The following CLUAP1 variants were observed in gnomAD, a reference collection of about 807,000 sequenced individuals.
CLUAP1 encodes clusterin-associated protein 1.
In CLUAP1, 50 loss-of-function variants were observed where a neutral mutation model predicts 55.0. The ratio of observed to expected loss-of-function variants is 0.91; its 90% confidence interval spans 0.72 to 1.15. The LOEUF (loss-of-function observed/expected upper bound fraction) is 1.15. CLUAP1 is among the 50% of genes most tolerant of loss of function. CLUAP1 has a pLI of 0.00. For missense variants in CLUAP1, 530 were observed against 507.6 expected (o/e 1.04, Z -0.42); for synonymous variants, 195 against 175.4 (o/e 1.11, Z -0.88).
chr16:3,520,143 C>T (rs114805143), intron 7 of CLUAP1, 107 bp downstream of exon 7: 47 of 1,148,384 alleles, frequency 4.1e-5, no homozygotes, highest in Middle Eastern at 2.0e-4. Context: ...GAAGCTGGGG[C>T]GGGGGGTTCT....
intron 4 of CLUAP1, among the ~76,000 whole-genome samples, chr16:3,510,567 C>G (rs1246001423): frequency 5.9e-5 from 9 of 152,168 alleles, no homozygotes; most frequent in African/African-American, 2.2e-4. Flanking sequence ...CAGGCCGGGT[C>G]TTGGGGCAGC....
At chr16:3,509,671 C>T (rs890043845) in intron 4 of CLUAP1, among the ~76,000 whole-genome samples, 12 of 152,186 alleles carry the variant, frequency 7.9e-5, no homozygotes, top group South Asian at 2.1e-4. Context: ...TGGGAGTGCA[C>T]CTAAGAGTGT....
At chr16:3,506,445 A>G in intron 3 of CLUAP1, 30 bp downstream of exon 3, 1 of 1,513,770 alleles carries the variant, frequency 6.6e-7, no homozygotes, top group Non-Finnish European at 9.2e-7. Context: ...GTGGAGTTGT[A>G]AAATTAAATA....
chr16:3,526,454 G>C lies in CLUAP1; in HGVS notation c.898G>C (p.Glu300Gln). Reference sequence around the variant, plus strand: ...CTGCCTGATACAGAACAAGCTCAAGGAGGAAGAGAAGCGCCTGCTCAAGAG... The same window carrying C: ...CTGCCTGATACAGAACAAGCTCAAGCAGGAAGAGAAGCGCCTGCTCAAGAG... ...TLCLIQNKLK[E>Q]EEKRLLKSGS... Residue 300 changes from glutamate to glutamine, a missense_variant, in exon 9 of 12, where the codon GAG (glutamate) becomes CAG (glutamine). By Grantham distance (29) the Glu-to-Gln change is conservative (BLOSUM62 2). Transcript: ENST00000576634. The C allele has an allele frequency of 1.9e-6, 3 of 1,609,474 alleles. No individual in the cohort carries two copies. The South Asian group carries it at 3.3e-5, about 18-fold the overall frequency.
At chr16:3,517,723 T>G (rs1358653816) in intron 6 of CLUAP1, among the ~76,000 whole-genome samples, 1 of 152,104 alleles carries the variant, frequency 6.6e-6, no homozygotes, top group Admixed American at 6.6e-5. Context: ...ACAGAACAAA[T>G]CAAAATCATG....
At chr16:3,513,121 A>G (rs989993988) in intron 5 of CLUAP1, among the ~76,000 whole-genome samples, 6 of 152,232 alleles carry the variant, frequency 3.9e-5, no homozygotes, top group East Asian at 3.9e-4. Context: ...CTCAAAAATG[A>G]TCTTCTGAGC....
rs1381801758 is a variant in CLUAP1, at chr16:3,501,021, T to C, written c.-47T>C. 1 of 1,585,724 alleles carries C rather than the reference T, an allele frequency of 6.3e-7. No homozygotes were observed. The highest frequency in any genetic ancestry group is 8.6e-7 in the Non-Finnish European group (1 of 1,167,734). On this transcript the variant is annotated 5_prime_UTR_variant, in exon 1 of 12. Coordinates refer to ENST00000576634, the MANE Select transcript of CLUAP1 (RefSeq NM_015041.3). ...CGTCGAGCGCTGGGCCTGTGATCGC[T>C]GAGGGGCGAGCAGTTGCGACCCTGG... is the stretch of plus-strand genomic sequence containing the variant.
At chr16:3,532,762 TC>T (rs2038151301) in intron 10 of CLUAP1, 23 bp from the exon 11 acceptor site, 1 of 1,613,214 alleles carries the variant, frequency 6.2e-7, no homozygotes. Context: ...TTTTATGACT[TC>T]TTCATGCTTT....
chr16:3,497,981 G>C (rs1258517818), upstream of CLUAP1, among the ~76,000 whole-genome samples: 1 of 152,078 alleles, frequency 6.6e-6, no homozygotes, highest in Non-Finnish European at 1.5e-5. Flanking sequence ...TAGGGATATT[G>C]GCTTATGTGA....
chr16:3,502,731 T>C (rs1428419095), intron 1 of CLUAP1, among the ~76,000 whole-genome samples: 1 of 152,158 alleles, frequency 6.6e-6, no homozygotes, highest in African/African-American at 2.4e-5. Flanking sequence ...TCCTCCCACA[T>C]AGTTTTTAGA....
chr16:3,503,846 T>G (rs1028818210), intron 1 of CLUAP1, among the ~76,000 whole-genome samples: 1 of 152,224 alleles, frequency 6.6e-6, no homozygotes, highest in African/African-American at 2.4e-5. Context: ...TCACACTTTC[T>G]GTTTCATTGT....
upstream of CLUAP1, among the ~76,000 whole-genome samples, chr16:3,498,402 A>T (rs2037335552): frequency 6.6e-6 from 1 of 152,146 alleles, no homozygotes; most frequent in Admixed American, 6.6e-5. Context: ...AGTCAAGTTG[A>T]CACACAAAAT....
intron 3 of CLUAP1, 28 bp downstream of exon 3, chr16:3,506,443 G>GT: frequency 6.5e-7 from 1 of 1,548,136 alleles, no homozygotes; most frequent in Non-Finnish European, 8.9e-7. Flanking sequence ...TTGTGGAGTT[G>GT]TAAAATTAAA....
At chr16:3,515,300 G>T in intron 5 of CLUAP1, 1 of 421,260 alleles carries the variant, frequency 2.4e-6, no homozygotes, top group Non-Finnish European at 4.2e-6. Context: ...GGCTGAAAAG[G>T]AGGACCTTGA....
Position 3,508,476 on chromosome 16 carries a change from C to T in CLUAP1, c.399+8C>T. 1 of 1,559,160 alleles carries T rather than the reference C, an allele frequency of 6.4e-7. No individual in the cohort carries two copies. Among genetic ancestry groups the T allele is most frequent in the Non-Finnish European group, 8.6e-7 (1 of 1,162,090 alleles). ...TTTGATCTTGGCTCAAAGGTAAGGA[C>T]AACAAAAGCCTTGTAGTGGGCGATG... is the stretch of plus-strand genomic sequence containing the variant. On this transcript the variant is annotated splice_region_variant and intron_variant, in intron 4 of 11. Coordinates refer to ENST00000576634, the MANE Select transcript of CLUAP1 (RefSeq NM_015041.3).
chr16:3,496,834 C>T (rs557975061), upstream of CLUAP1: 5 of 306,734 alleles, frequency 1.6e-5, no homozygotes, highest in Non-Finnish European at 3.2e-5. Flanking sequence ...ATTCAATTTT[C>T]TCTTGTCACA....
At chr16:3,522,065 CA>C (rs201125740) in intron 7 of CLUAP1, among the ~76,000 whole-genome samples, 1 of 150,644 alleles carries the variant, frequency 6.6e-6, no homozygotes. Flanking sequence ...TCTCAACAAA[CA>C]AAAAAAAACC....
At chr16:3,500,939 C>A, upstream of CLUAP1, 1 of 1,029,436 alleles carries the variant, frequency 9.7e-7, no homozygotes, top group Non-Finnish European at 1.4e-6. Context: ...CTTCGCTTCG[C>A]TTTTTGTTTG....
At chr16:3,525,927 G>T (rs548109420) in intron 8 of CLUAP1, among the ~76,000 whole-genome samples, 3 of 152,162 alleles carry the variant, frequency 2.0e-5, no homozygotes, top group South Asian at 2.1e-4. Context: ...ATTTCCTCCT[G>T]TCCCCACCCC....
Sources: allele counts gnomAD v4.1 joint callset (sites outside exome capture counted in the v4.1 genomes callset), GRCh38; gene constraint gnomAD v4.1.1; transcripts MANE v1.5; gene names NCBI Gene and HGNC (gene_info 2026-07-23, HGNC 2026-07-21).